ASPHD2: variants seen among roughly 807,000 people sequenced by gnomAD.
ASPHD2 encodes aspartate beta-hydroxylase domain containing 2.
In ASPHD2, 12 loss-of-function variants were observed where a neutral mutation model predicts 34.6. The ratio of observed to expected loss-of-function variants is 0.35; its 90% confidence interval spans 0.22 to 0.56. ASPHD2 has a LOEUF of 0.56. ASPHD2 is among the 20% of genes least tolerant of loss of function. The pLI is 0.87. For missense variants in ASPHD2, 375 were observed against 505.0 expected, an observed-to-expected ratio of 0.74 and a Z score of 2.47; for synonymous variants, 224 against 212.2, an observed-to-expected ratio of 1.06 and a Z score of -0.48.
At position 26,444,460 on chromosome 22, in the gene ASPHD2, G is replaced by A. The variant is rs927858072; in HGVS notation, c.*1254G>A. On this transcript the variant is annotated 3_prime_UTR_variant, in exon 4 of 4. Transcript: ENST00000215906. ...GTGAAGAACATGTGGATCTCTTCCC[G>A]AAGGAAAAGGTCCCAGGAGACCAGT... 4 of 152,146 alleles carry A rather than the reference G, an allele frequency of 2.6e-5. No homozygotes were observed. Among genetic ancestry groups the A allele is most frequent in the African/African-American group, 7.2e-5 (3 of 41,428 alleles). 9.4% of individuals were successfully genotyped at this position (152,146 alleles called of 1,614,324 possible). A position where few individuals can be genotyped will look rare whatever the true frequency, so the allele number is the denominator to read the frequency against.
intron 2 of ASPHD2, among the ~76,000 whole-genome samples, chr22:26,434,801 TTGAG>T (rs1235662975): frequency 3.3e-5 from 5 of 152,224 alleles, no homozygotes; most frequent in African/African-American, 1.2e-4. Flanking sequence ...ATGTGACTAA[TTGAG>T]TGCTTGAAAC....
At chr22:26,439,554 C>G (rs993022853) in intron 2 of ASPHD2, among the ~76,000 whole-genome samples, 2 of 152,184 alleles carry the variant, frequency 1.3e-5, no homozygotes, top group African/African-American at 4.8e-5. Flanking sequence ...TAAATGGTAA[C>G]TTTTTAGCAG....
At position 26,432,503 on chromosome 22, in the gene ASPHD2, C is replaced by T. The variant is rs74410707; in HGVS notation, c.-224-889C>T. 6.0e-3 allele frequency among the ~76,000 whole-genome samples: 917 copies of T among 152,286 alleles called. 10 individuals are homozygous for T. The highest frequency in any genetic ancestry group is 0.021 in the African/African-American group (852 of 41,554). On this transcript the variant is annotated intron_variant, in intron 1 of 3. Coordinates refer to ENST00000215906, the MANE Select transcript of ASPHD2 (RefSeq NM_020437.5). ...AGGTTTTGGAGAATGCTGGGAAACA[C>T]GGCTGGGGTTTGAGAGACTTAGGCA...
chr22:26,431,824 C>T (rs932149628), intron 1 of ASPHD2, among the ~76,000 whole-genome samples: 1 of 152,200 alleles, frequency 6.6e-6, no homozygotes, highest in African/African-American at 2.4e-5. Flanking sequence ...CTCATTATGA[C>T]GTGGTCGTAA....
chr22:26,437,491 C>G (rs553790836), intron 2 of ASPHD2, among the ~76,000 whole-genome samples: 1 of 152,340 alleles, frequency 6.6e-6, no homozygotes, highest in East Asian at 1.9e-4. Context: ...CCACCCCCCA[C>G]TCAGCATCGT....
intron 2 of ASPHD2, among the ~76,000 whole-genome samples, chr22:26,437,547 A>G (rs1446042439): frequency 1.3e-5 from 2 of 152,234 alleles, no homozygotes; most frequent in Admixed American, 6.5e-5. Context: ...AACTTCCAGA[A>G]AACCACCTCT....
chr22:26,441,815 C>G (rs1227523067), intron 2 of ASPHD2, among the ~76,000 whole-genome samples: 1 of 151,864 alleles, frequency 6.6e-6, no homozygotes, highest in South Asian at 2.1e-4. Context: ...CCCAGCTACT[C>G]GGGAGGCTGA....
chr22:26,435,306 T>A (rs1254478186), intron 2 of ASPHD2, among the ~76,000 whole-genome samples: 2 of 152,210 alleles, frequency 1.3e-5, no homozygotes, highest in Non-Finnish European at 2.9e-5. Flanking sequence ...AAGTATTCAA[T>A]AAAAGTAGGC....
intron 1 of ASPHD2, among the ~76,000 whole-genome samples, chr22:26,431,571 A>C (rs2084756469): frequency 6.6e-6 from 1 of 152,194 alleles, no homozygotes; most frequent in South Asian, 2.1e-4. Context: ...TATTCAACCG[A>C]AACTGGGAAA....
rs1196911799 is a variant in ASPHD2 at position 26,434,485 on chromosome 22, C to T, written c.870C>T (p.Arg290=). 1.8e-5 allele frequency: 28 copies of T among 1,588,914 alleles called. No individual in the cohort carries two copies. Among genetic ancestry groups the T allele is most frequent in the Non-Finnish European group, 2.4e-5 (28 of 1,162,518 alleles). The part of the protein sequence containing the change: ...ITEHYGPTNI[R]IRCHLGLKTP... ...AGCACTATGGACCCACCAACATCCGCATCCGATGCCATTTAGGTATGTTGC... is the reference window on the plus strand; with the variant it reads ...AGCACTATGGACCCACCAACATCCGTATCCGATGCCATTTAGGTATGTTGC... Residue 290 remains arginine, a synonymous_variant, in exon 2 of 4, where the codon CGC becomes CGT. Coordinates refer to ENST00000215906, the MANE Select transcript of ASPHD2 (RefSeq NM_020437.5).
Position 26,434,053 on chromosome 22 carries a change from C to A in ASPHD2, c.438C>A (p.His146Gln). ...CCTGGTCCGGCATGGGCCGCATCCA[C>A]AAGGGCATCCGCGAGCAGGGCCGGT... ...RYSWSGMGRI[H>Q]KGIREQGRYL... The change falls in exon 2 of 4, where the codon CAC (histidine) becomes CAA (glutamine). Residue 146 changes from histidine (H) to glutamine (Q), a missense_variant. His to Gln is a conservative substitution (Grantham distance 24). This residue lies in a region of ASPHD2 where 223 missense variants were observed against 257.8 expected (regional missense o/e 0.87). Transcript: ENST00000215906. 1 of 1,613,548 alleles carries A rather than the reference C, an allele frequency of 6.2e-7. No individual in the cohort carries two copies. The highest frequency in any genetic ancestry group is 8.5e-7 in the Non-Finnish European group (1 of 1,179,968).
intron 2 of ASPHD2, among the ~76,000 whole-genome samples, chr22:26,435,071 T>C (rs569185783): frequency 1.3e-5 from 2 of 152,316 alleles, no homozygotes; most frequent in East Asian, 3.9e-4. Context: ...GCGTACTGTG[T>C]GTGCGGCTGT....
chr22:26,434,610 G>C, intron 2 of ASPHD2, 109 bp downstream of exon 2: 1 of 1,290,414 alleles, frequency 7.7e-7, no homozygotes, highest in South Asian at 1.6e-5. Context: ...TTTTCGCATT[G>C]TTCACTTTTA....
chr22:26,438,670 T>C (rs28733405), intron 2 of ASPHD2, among the ~76,000 whole-genome samples: 2 of 68,782 alleles, frequency 2.9e-5, no homozygotes, highest in African/African-American at 9.1e-5. Context: ...TATATACACA[T>C]ACATACATAC....
chr22:26,431,858 A>G (rs1450059288), intron 1 of ASPHD2, among the ~76,000 whole-genome samples: 1 of 152,212 alleles, frequency 6.6e-6, no homozygotes, highest in Non-Finnish European at 1.5e-5. Flanking sequence ...GCCATCATTC[A>G]TCTTCATCCA....
Position 26,442,512 on chromosome 22 carries a change from T to C in ASPHD2, c.940T>C (p.Trp314Arg). 2 of 1,612,034 alleles carry C rather than the reference T, an allele frequency of 1.2e-6. No homozygotes were observed. Among genetic ancestry groups the C allele is most frequent in the Non-Finnish European group, 1.7e-6 (2 of 1,179,076 alleles). Residue 314 changes from tryptophan (W) to arginine (R), a missense_variant, in exon 3 of 4, where the codon TGG becomes CGG. Around this residue, in one of 3 missense-constraint regions of ASPHD2, gnomAD observed 142 missense variants for 217.9 expected, o/e 0.65. Transcript: ENST00000215906. Reference sequence around the variant, plus strand: ...GGTGGTGGGGGGAGAGCCCCAGTGCTGGGCAGAAGGGCGCTGCCTTCTCTT... The same window carrying C: ...GGTGGTGGGGGGAGAGCCCCAGTGCCGGGCAGAAGGGCGCTGCCTTCTCTT... ...ELVVGGEPQC[W>R]AEGRCLLFDD... is the part of the protein sequence containing the mutation.
At chr22:26,437,985 C>G (rs1466638761) in intron 2 of ASPHD2, among the ~76,000 whole-genome samples, 2 of 152,106 alleles carry the variant, frequency 1.3e-5, no homozygotes, top group African/African-American at 4.8e-5. Flanking sequence ...TTGTGGGCAA[C>G]AGGCAGGAAT....
intron 2 of ASPHD2, among the ~76,000 whole-genome samples, chr22:26,437,481 C>A (rs184999697): frequency 3.6e-4 from 55 of 152,220 alleles, no homozygotes; most frequent in African/African-American, 1.3e-3. Context: ...AGCTTCAGGC[C>A]CACCCCCCAC....
Position 26,440,427 on chromosome 22 carries a change from G to T in ASPHD2, c.887-2032G>T, listed in dbSNP as rs140186376. On this transcript the variant is annotated intron_variant, in intron 2 of 3. Transcript: ENST00000215906. The stretch of plus-strand genomic sequence containing the variant: ...GCTCACTGCAACCTTCGCCTCCTGG[G>T]TTCAAGCAATTCTCATGCCTCAGCC... Among the ~76,000 whole-genome samples, 206 of 152,276 alleles carry T rather than the reference G, an allele frequency of 1.4e-3. 1 individual carries two copies. Among genetic ancestry groups the T allele is most frequent in the African/African-American group, 4.6e-3 (193 of 41,560 alleles).
Sources: allele counts gnomAD v4.1 joint callset (sites outside exome capture counted in the v4.1 genomes callset), GRCh38; gene constraint gnomAD v4.1.1; regional missense constraint gnomAD v4.1.1; transcripts MANE v1.5; gene names NCBI Gene and HGNC (gene_info 2026-07-23, HGNC 2026-07-21).